The following CFHR2 variants were observed in gnomAD, a reference collection of about 807,000 sequenced individuals.
CFHR2 encodes complement factor H-related protein 2.
In CFHR2, 22 loss-of-function variants were observed where a neutral mutation model predicts 21.7. The observed-to-expected ratio is 1.01, with a 90% confidence interval of 0.72 to 1.45. The LOEUF (loss-of-function observed/expected upper bound fraction) is 1.45. Ranked by LOEUF, CFHR2 falls within the 40% of genes most tolerant of loss-of-function variation. CFHR2 has a pLI of 0.00. For missense variants in CFHR2, 294 were observed against 293.3 expected (o/e 1.00, Z -0.02); for synonymous variants, 98 against 97.4 (o/e 1.01, Z -0.04).
chr1:196,948,215 C>G (rs958319278), intron 1 of CFHR2, among the ~76,000 whole-genome samples: 2 of 152,070 alleles, frequency 1.3e-5, no homozygotes, highest in African/African-American at 4.8e-5. Flanking sequence ...GTCTCTAAGA[C>G]AGAATGATGT....
At chr1:196,944,692 AC>A in intron 1 of CFHR2, among the ~76,000 whole-genome samples, 2 of 151,982 alleles carry the variant, frequency 1.3e-5, no homozygotes, top group South Asian at 4.1e-4. Context: ...ATTATGCTTT[AC>A]CCTTTGATTT....
intron 1 of CFHR2, among the ~76,000 whole-genome samples, chr1:196,947,453 A>G (rs1460565665): frequency 1.3e-5 from 2 of 152,190 alleles, no homozygotes; most frequent in African/African-American, 2.4e-5. Context: ...AAGGATAACT[A>G]AAAGAGTTAT....
chr1:196,954,185 C>A (rs7529347), intron 3 of CFHR2, among the ~76,000 whole-genome samples: 1 of 152,090 alleles, frequency 6.6e-6, no homozygotes, highest in African/African-American at 2.4e-5. Context: ...CCCATATGGG[C>A]GAAATTGGCC....
At chr1:196,949,696 AGAAG>A in intron 2 of CFHR2, 47 bp downstream of exon 2, 1 of 1,605,878 alleles carries the variant, frequency 6.2e-7, no homozygotes, top group South Asian at 1.1e-5. Context: ...CAATGAACAG[AGAAG>A]GATATGCCAG....
At chr1:196,952,000 C>T (rs1025753179) in intron 3 of CFHR2, among the ~76,000 whole-genome samples, 1 of 152,066 alleles carries the variant, frequency 6.6e-6, no homozygotes, top group African/African-American at 2.4e-5. Context: ...TAATTTTTTT[C>T]CAGTGGGAGG....
chr1:196,949,683 A>C (rs1411363103), intron 2 of CFHR2, 34 bp downstream of exon 2: 1 of 1,610,400 alleles, frequency 6.2e-7, no homozygotes. Context: ...AATGGATGTC[A>C]TTCAATGAAC....
intron 3 of CFHR2, among the ~76,000 whole-genome samples, chr1:196,952,408 C>CAAA (rs111351264): frequency 1.3e-5 from 2 of 150,630 alleles, no homozygotes; most frequent in African/African-American, 2.4e-5. Context: ...TTGCAAAAAA[C>CAAA]AAAAAAAAAG....
intron 3 of CFHR2, among the ~76,000 whole-genome samples, chr1:196,955,796 G>A (rs1057130280): frequency 1.1e-4 from 16 of 152,068 alleles, no homozygotes; most frequent in African/African-American, 3.1e-4. Context: ...GCAGTGAGCC[G>A]AGATAGTGCC....
At chr1:196,953,976 A>G (rs1223608701) in intron 3 of CFHR2, among the ~76,000 whole-genome samples, 3 of 152,220 alleles carry the variant, frequency 2.0e-5, no homozygotes, top group African/African-American at 7.2e-5. Context: ...ACACATATTC[A>G]TATACATAAC....
intron 1 of CFHR2, among the ~76,000 whole-genome samples, chr1:196,946,435 A>G (rs1659487226): frequency 6.6e-6 from 1 of 152,130 alleles, no homozygotes; most frequent in Non-Finnish European, 1.5e-5. Context: ...ATCAACTTTA[A>G]TTTTTATGTC....
chr1:196,957,024 C>T (rs1652911290), intron 3 of CFHR2, among the ~76,000 whole-genome samples: 1 of 152,126 alleles, frequency 6.6e-6, no homozygotes, highest in South Asian at 2.1e-4. Flanking sequence ...CTCTGTTTAT[C>T]TAGAAGTGTG....
intron 1 of CFHR2, among the ~76,000 whole-genome samples, chr1:196,945,231 G>A (rs908207193): frequency 1.3e-5 from 2 of 149,726 alleles, no homozygotes; most frequent in African/African-American, 2.5e-5. Context: ...AATCACAGGA[G>A]TGCGATTGTA....
At position 196,958,874 on chromosome 1, in the gene CFHR2, C is replaced by G; in HGVS notation, c.614-7C>G. On this transcript the variant is annotated splice_region_variant and splice_polypyrimidine_tract_variant and intron_variant, in intron 4 of 4. Transcript: ENST00000367415. ...AATGTTTTATGTTCATTTTTTTCTA[C>G]TTTCAGATCCATGTGTAATATCACA... 6.5e-7 allele frequency: 1 copy of G among 1,537,614 alleles called. No individual in the cohort carries two copies. The highest frequency in any genetic ancestry group is 8.9e-7 in the Non-Finnish European group (1 of 1,117,498).
Position 196,955,416 on chromosome 1 carries a change from A to G in CFHR2, c.431-2475A>G, listed in dbSNP as rs144692110. Among the ~76,000 whole-genome samples the G allele has an allele frequency of 5.9e-3, 902 of 152,178 alleles. 19 individuals are homozygous for G. Among genetic ancestry groups the G allele is most frequent in the African/African-American group, 0.021 (867 of 41,508 alleles). On this transcript the variant is annotated intron_variant, in intron 3 of 4. Transcript: ENST00000367415. ...CTTCTGAGCCCCCTAAGCTGTTCCA[A>G]CCTCTGCCTGTTACCCAGTTCCAAA...
intron 1 of CFHR2, 105 bp from the exon 2 acceptor site, chr1:196,949,350 A>T: frequency 8.8e-7 from 1 of 1,131,980 alleles, no homozygotes; most frequent in Non-Finnish European, 1.2e-6. Context: ...AAAGGCATTT[A>T]AGCTAAATGA....
chr1:196,957,234 G>A (rs1445972627), intron 3 of CFHR2, among the ~76,000 whole-genome samples: 1 of 152,022 alleles, frequency 6.6e-6, no homozygotes, highest in East Asian at 1.9e-4. Context: ...AGGATACAAA[G>A]GAGTCCAAAA....
chr1:196,948,410 G>A (rs542192340), intron 1 of CFHR2, among the ~76,000 whole-genome samples: 1 of 152,094 alleles, frequency 6.6e-6, no homozygotes, highest in South Asian at 2.1e-4. Flanking sequence ...CAAGTAGCTG[G>A]GATTACAGGT....
rs79351096 is a variant in CFHR2 at position 196,949,611 on chromosome 1, G to A, written c.215G>A (p.Cys72Tyr). 0.025 allele frequency: 40,549 copies of A among 1,613,888 alleles called. 800 individuals carry two copies. Among genetic ancestry groups the A allele is most frequent in the Admixed American group, 0.081 (4,857 of 59,966 alleles). Residue 72 changes from cysteine to tyrosine, a missense_variant, in exon 2 of 5, where the codon TGC becomes TAC. By Grantham distance (194) the Cys-to-Tyr change is radical. Transcript: ENST00000367415. ...PSKSFWTRITCAEEGWSPTPK... is the reference protein window; with the variant it reads ...PSKSFWTRITYAEEGWSPTPK... ...AAATCCTTTTGGACTCGCATAACGTGCGCAGAAGAAGGATGGTCACCAACA... is the reference window on the plus strand; with the variant it reads ...AAATCCTTTTGGACTCGCATAACGTACGCAGAAGAAGGATGGTCACCAACA...
intron 3 of CFHR2, among the ~76,000 whole-genome samples, chr1:196,951,728 A>G (rs1659734676): frequency 6.6e-6 from 1 of 151,954 alleles, no homozygotes; most frequent in Non-Finnish European, 1.5e-5. Context: ...TCTTCATACC[A>G]CTTTCTCTCT....
Sources: gnomAD v4.1 joint callset for allele counts (sites outside exome capture counted in the v4.1 genomes callset) on GRCh38, gnomAD v4.1.1 for gene constraint, MANE v1.5 for transcripts, NCBI Gene and HGNC (gene_info 2026-07-23, HGNC 2026-07-21) for gene names.